The following ERBB4 variants were observed in gnomAD, a reference collection of about 807,000 sequenced individuals.
ERBB4 encodes receptor tyrosine-protein kinase erbB-4.
ERBB4 carries 42 observed loss-of-function variants against 158.0 expected under a neutral mutation model. The ratio of observed to expected loss-of-function variants is 0.27; its 90% CI spans 0.21 to 0.34. The LOEUF is 0.34. ERBB4 is among the 10% of genes least tolerant of loss of function. The pLI is 1.00. For missense variants in ERBB4, 1,333 were observed against 1,624.1 expected (o/e 0.82, Z 3.08); for synonymous variants, 583 against 558.7 (o/e 1.04, Z -0.61).
At chr2:212,487,011 T>C (rs994651030) in intron 1 of ERBB4, among the ~76,000 whole-genome samples, 2 of 152,184 alleles carry the variant, frequency 1.3e-5, no homozygotes, top group African/African-American at 4.8e-5. Context: ...TTGCACATTT[T>C]CCTTCTGAAG....
At chr2:212,064,725 T>C (rs937356360) in intron 2 of ERBB4, among the ~76,000 whole-genome samples, 2 of 152,026 alleles carry the variant, frequency 1.3e-5, no homozygotes, top group Non-Finnish European at 2.9e-5. Flanking sequence ...TCATTTGAAA[T>C]AGGCATTGAC....
intron 5 of ERBB4, among the ~76,000 whole-genome samples, chr2:211,726,746 G>T (rs1284544929): frequency 1.3e-5 from 2 of 152,004 alleles, no homozygotes; most frequent in African/African-American, 2.4e-5. Context: ...TGCCCTAAAA[G>T]TAATGGCTTG....
chr2:212,046,854 G>T (rs987490580), intron 2 of ERBB4, among the ~76,000 whole-genome samples: 1 of 152,074 alleles, frequency 6.6e-6, no homozygotes, highest in African/African-American at 2.4e-5. Context: ...TAAATTAATG[G>T]CCCAAAAGTA....
chr2:211,911,236 A>G (rs996999325), intron 3 of ERBB4, among the ~76,000 whole-genome samples: 1 of 152,176 alleles, frequency 6.6e-6, no homozygotes, highest in African/African-American at 2.4e-5. Flanking sequence ...TCTCTGATGC[A>G]AACATGGACA....
chr2:212,405,036 T>C (rs1375575944), intron 1 of ERBB4, among the ~76,000 whole-genome samples: 1 of 152,078 alleles, frequency 6.6e-6, no homozygotes, highest in Non-Finnish European at 1.5e-5. Context: ...CCACATTTTC[T>C]TTATCCAGTC....
chr2:211,512,766 A>G (rs1014795428), intron 20 of ERBB4, among the ~76,000 whole-genome samples: 1 of 152,104 alleles, frequency 6.6e-6, no homozygotes, highest in Non-Finnish European at 1.5e-5. Flanking sequence ...CAGGTCTCCC[A>G]CTGCCATGTT....
At chr2:212,395,840 A>T (rs961595494) in intron 1 of ERBB4, among the ~76,000 whole-genome samples, 1 of 151,964 alleles carries the variant, frequency 6.6e-6, no homozygotes, top group East Asian at 1.9e-4. Context: ...GATGGTCTCG[A>T]TCTCTTGACC....
intron 20 of ERBB4, among the ~76,000 whole-genome samples, chr2:211,515,733 A>C (rs1029808779): frequency 6.6e-6 from 1 of 150,840 alleles, no homozygotes; most frequent in African/African-American, 2.4e-5. Context: ...CTCAGAGCAC[A>C]GGGATGTGGT....
chr2:212,117,357 T>C (rs2079601983), intron 2 of ERBB4, among the ~76,000 whole-genome samples: 1 of 152,234 alleles, frequency 6.6e-6, no homozygotes, highest in Non-Finnish European at 1.5e-5. Flanking sequence ...CAATAGTTTC[T>C]TGAAGGTACA....
At chr2:211,444,670 C>A (rs544039174) in intron 20 of ERBB4, among the ~76,000 whole-genome samples, 7 of 152,166 alleles carry the variant, frequency 4.6e-5, no homozygotes, top group African/African-American at 1.7e-4. Flanking sequence ...GTATACAACT[C>A]ACTCTCTATG....
intron 1 of ERBB4, among the ~76,000 whole-genome samples, chr2:212,448,715 G>A (rs896014967): frequency 6.6e-6 from 1 of 152,056 alleles, no homozygotes; most frequent in Non-Finnish European, 1.5e-5. Flanking sequence ...AGAAATCATT[G>A]TTTATGATTC....
intron 1 of ERBB4, among the ~76,000 whole-genome samples, chr2:212,178,465 A>G (rs1009351891): frequency 2.0e-5 from 3 of 151,776 alleles, no homozygotes; most frequent in Non-Finnish European, 2.9e-5. Context: ...TGAATCAAAT[A>G]TATCTGGGGG....
intron 19 of ERBB4, among the ~76,000 whole-genome samples, chr2:211,592,246 AC>A (rs2068494761): frequency 2.0e-5 from 3 of 152,154 alleles, no homozygotes; most frequent in Non-Finnish European, 4.4e-5. Flanking sequence ...ATTGCTCGCC[AC>A]AGTATCTTAT....
chr2:212,238,806 T>G (rs989074502), intron 1 of ERBB4, among the ~76,000 whole-genome samples: 5 of 152,076 alleles, frequency 3.3e-5, no homozygotes, highest in Non-Finnish European at 5.9e-5. Flanking sequence ...AGCAATTTTT[T>G]TTTTGTTTTT....
At chr2:212,210,190 G>C (rs1195794596) in intron 1 of ERBB4, among the ~76,000 whole-genome samples, 2 of 130,530 alleles carry the variant, frequency 1.5e-5, no homozygotes, top group East Asian at 4.3e-4. Flanking sequence ...ACCAAGAAAA[G>C]AGAAAGAGCA....
chr2:211,686,068 GA>G (rs377545377), intron 12 of ERBB4, among the ~76,000 whole-genome samples: 15 of 151,952 alleles, frequency 9.9e-5, no homozygotes, highest in Admixed American at 3.3e-4. Flanking sequence ...TGAATAGAGA[GA>G]TTTTTTTTCC....
rs888607317 is a variant in ERBB4 at position 211,418,522 on chromosome 2, A to G, written c.3135+1919T>C. 6.6e-5 allele frequency among the ~76,000 whole-genome samples: 10 copies of G among 152,166 alleles called. 1 individual carries two copies. The highest frequency in any genetic ancestry group is 1.0e-4 in the Non-Finnish European group (7 of 67,994). On this transcript the variant is annotated intron_variant, in intron 25 of 27. Transcript: ENST00000342788. ...TAAAGGTCAAATAAGTCCACGGGTG[A>G]TTTAGACTTTGTCTCAATAATTCCA...
At chr2:212,029,016 G>C (rs1402717) in intron 2 of ERBB4, among the ~76,000 whole-genome samples, 137,884 of 152,044 alleles carry the variant, frequency 0.91, 63,939 homozygotes, top group East Asian at 1. Flanking sequence ...ACCAGTGCAC[G>C]ATGTAAGTTT....
chr2:211,655,579 A>G (rs2071181679), intron 16 of ERBB4, among the ~76,000 whole-genome samples: 1 of 152,234 alleles, frequency 6.6e-6, no homozygotes, highest in African/African-American at 2.4e-5. Context: ...CCACTGTACT[A>G]TATTACCCCT....
Sources: allele counts gnomAD v4.1 joint callset (sites outside exome capture counted in the v4.1 genomes callset), GRCh38; gene constraint gnomAD v4.1.1; transcripts MANE v1.5; gene names NCBI Gene and HGNC (gene_info 2026-07-23, HGNC 2026-07-21).